The following PPP4R3A variants were observed in gnomAD, a reference collection of about 807,000 sequenced individuals.
The protein encoded by PPP4R3A is serine/threonine-protein phosphatase 4 regulatory subunit 3A.
In PPP4R3A, 15 loss-of-function variants were observed where a neutral mutation model predicts 91.7. The ratio of observed to expected loss-of-function variants is 0.16; its 90% CI spans 0.11 to 0.25. The LOEUF (loss-of-function observed/expected upper bound fraction) is 0.25. Ranked by LOEUF, PPP4R3A falls within the 10% of genes least tolerant of loss-of-function variation. The pLI is 1.00. For synonymous variants in PPP4R3A, 377 were observed against 348.7 expected (o/e 1.08, Z -0.91); for missense variants, 623 against 998.4 (o/e 0.62, Z 5.07).
intron 10 of PPP4R3A, among the ~76,000 whole-genome samples, chr14:91,469,367 C>G (rs943321540): frequency 6.6e-6 from 1 of 152,084 alleles, no homozygotes; most frequent in Non-Finnish European, 1.5e-5. Flanking sequence ...GCTCTCAAAT[C>G]CCCTTTTCCA....
intron 4 of PPP4R3A, among the ~76,000 whole-genome samples, chr14:91,478,461 AT>A (rs1197626404): frequency 2.6e-5 from 4 of 152,260 alleles, no homozygotes; most frequent in African/African-American, 9.6e-5. Context: ...TTGCCAAAAC[AT>A]TTGTAAAATG....
At chr14:91,475,057 A>T (rs1450597975) in intron 7 of PPP4R3A, 1 of 146,944 alleles carries the variant, frequency 6.8e-6, no homozygotes, top group East Asian at 2.0e-4. Flanking sequence ...TTCTAAACAG[A>T]TTTTTTTTTT....
chr14:91,501,871 A>ATTTTT (rs755484959), intron 1 of PPP4R3A, among the ~76,000 whole-genome samples: 1 of 100,238 alleles, frequency 1.0e-5, no homozygotes, highest in Non-Finnish European at 1.9e-5. Flanking sequence ...AGCCCGGCTA[A>ATTTTT]TTTTTTTTTT....
chr14:91,458,632 A>C lies in PPP4R3A; in HGVS notation c.*127T>G. The C allele has an allele frequency of 7.4e-7, 1 of 1,359,586 alleles. No homozygotes were observed. The highest frequency in any genetic ancestry group is 1.7e-5 in the Admixed American group (1 of 59,628). The allele number at this position is 1,359,586 out of a possible 1,614,324, so 84.2% of individuals were successfully genotyped here. A position where few individuals can be genotyped will look rare whatever the true frequency, so the allele number is the denominator to read the frequency against. On this transcript the variant is annotated 3_prime_UTR_variant, in exon 15 of 15. Transcript: ENST00000554943. ...ATTGGCACTTGATGAGCAGAAGTCA[A>C]GTGTAAGAGGCTGATCTGTGTCAGT...
chr14:91,481,810 A>T lies in PPP4R3A; in HGVS notation c.681T>A (p.Asp227Glu), dbSNP rs1224284352. The change falls in exon 4 of 15, where the codon GAT (aspartate) becomes GAA (glutamate). Residue 227 changes from aspartate to glutamate, a missense_variant. This residue lies in a region of PPP4R3A where 264 missense variants were observed against 377.3 expected (regional missense o/e 0.70). Coordinates refer to ENST00000554943, the MANE Select transcript of PPP4R3A (RefSeq NM_001366432.2). ...IMDVIGCLEY[D>E]PALSQPRKHR... ...GTTTTCGTGGTTGTGATAAAGCAGG[A>T]TCATATTCTAAACATCCAATGACGT... 3 of 1,614,026 alleles carry T rather than the reference A, an allele frequency of 1.9e-6. No individual in the cohort carries two copies. The highest frequency in any genetic ancestry group is 2.5e-6 in the Non-Finnish European group (3 of 1,180,042).
chr14:91,509,225 T>C (rs1257826785), intron 1 of PPP4R3A, among the ~76,000 whole-genome samples: 1 of 152,106 alleles, frequency 6.6e-6, no homozygotes, highest in Non-Finnish European at 1.5e-5. Context: ...CTATCTCAGG[T>C]CCTCGACCTC....
intron 1 of PPP4R3A, among the ~76,000 whole-genome samples, chr14:91,495,397 C>T (rs1890492811): frequency 6.6e-6 from 1 of 151,422 alleles, no homozygotes; most frequent in Non-Finnish European, 1.5e-5. Flanking sequence ...TCACTGCAGC[C>T]TCTGCCTCCT....
At chr14:91,509,105 CAA>C (rs1219103371) in intron 1 of PPP4R3A, among the ~76,000 whole-genome samples, 2 of 152,194 alleles carry the variant, frequency 1.3e-5, no homozygotes, top group Non-Finnish European at 2.9e-5. Flanking sequence ...TAGCTCCAAG[CAA>C]AGTTTCATGC....
intron 2 of PPP4R3A, among the ~76,000 whole-genome samples, chr14:91,486,927 G>A (rs1268310697): frequency 1.1e-3 from 123 of 107,106 alleles, no homozygotes; most frequent in African/African-American, 3.5e-3. Flanking sequence ...AAAAAAAATA[G>A]AGAGTCAAAA....
Position 91,509,531 on chromosome 14 carries a change from G to A in PPP4R3A, c.117C>T (p.Ser39=), listed in dbSNP as rs778995476. 1.3e-6 allele frequency: 2 copies of A among 1,597,468 alleles called. No individual in the cohort carries two copies. Among genetic ancestry groups the A allele is most frequent in the South Asian group, 2.2e-5 (2 of 89,834 alleles). Residue 39 remains serine, a synonymous_variant, in exon 1 of 15, where the codon TCC becomes TCT. Transcript: ENST00000554943. The stretch of plus-strand genomic sequence containing the variant: ...CGTCGCTCTCAGCCCTGACAAGCAG[G>A]GACATGCCCTTCAGCCGCTCCACGT... ...SGYVERLKGM[S]LLVRAESDGS...
Position 91,485,011 on chromosome 14 carries a change from GACAAGT to G in PPP4R3A, c.297+615_297+620del, listed in dbSNP as rs1303894841. Among the ~76,000 whole-genome samples, 12 of 151,914 alleles carry G rather than the reference GACAAGT, an allele frequency of 7.9e-5. 1 individual carries two copies. Among genetic ancestry groups the G allele is most frequent in the Admixed American group, 3.3e-4 (5 of 15,266 alleles). Reference sequence around the variant, plus strand: ...GTCAGTCAACAGCCATACTGCTCAAGACAAGTACAAGGGTGGGTTTTCTTTCAAAAG... The same window carrying G: ...GTCAGTCAACAGCCATACTGCTCAAGACAAGGGTGGGTTTTCTTTCAAAAG... On this transcript the variant is annotated intron_variant, in intron 3 of 14. Transcript: ENST00000554943.
chr14:91,497,173 A>G (rs1302962172), intron 1 of PPP4R3A, among the ~76,000 whole-genome samples: 1 of 152,166 alleles, frequency 6.6e-6, no homozygotes, highest in Non-Finnish European at 1.5e-5. Context: ...GAGGCAGAGA[A>G]GGTTCTAACT....
rs200599598 is a variant in PPP4R3A at position 91,458,726 on chromosome 14, T to C, written c.*33A>G. ...GGGAGGGGTGGAGAACCAGTTTTTT[T>C]CAACAGGTACTGATCCTAGGCCGTT... is the stretch of plus-strand genomic sequence containing the variant. On this transcript the variant is annotated 3_prime_UTR_variant, in exon 15 of 15. Transcript: ENST00000554943. 8.1e-6 allele frequency: 13 copies of C among 1,614,064 alleles called. No individual in the cohort carries two copies. The highest frequency in any genetic ancestry group is 2.7e-5 in the African/African-American group (2 of 75,054).
chr14:91,506,032 G>A (rs909741810), intron 1 of PPP4R3A, among the ~76,000 whole-genome samples: 36 of 151,518 alleles, frequency 2.4e-4, no homozygotes, highest in African/African-American at 7.8e-4. Context: ...TGCAAGCTCC[G>A]CCTCCTGTGT....
In PPP4R3A at chr14:91,457,728, T is replaced by A. The variant is rs1303454689; in HGVS notation, c.*1031A>T. 2.6e-5 allele frequency: 4 copies of A among 152,646 alleles called. No individual in the cohort carries two copies. Among genetic ancestry groups the A allele is most frequent in the African/African-American group, 4.8e-5 (2 of 41,464 alleles). The allele number at this position is 152,646 out of a possible 1,614,324, so 9.5% of individuals were successfully genotyped here. ...CCCCAAGAAAAGAAATTTCAGAATC[T>A]CTTTGGAATACTAATTTCATGTTTC... On this transcript the variant is annotated 3_prime_UTR_variant, in exon 15 of 15. Transcript: ENST00000554943.
chr14:91,507,482 T>TAGA (rs1482280508), intron 1 of PPP4R3A, among the ~76,000 whole-genome samples: 7 of 113,518 alleles, frequency 6.2e-5, no homozygotes, highest in African/African-American at 2.6e-4. Context: ...ATACTATAGT[T>TAGA]ATATATACTA....
Position 91,509,702 on chromosome 14 carries a change from G to A in PPP4R3A, c.-55C>T, listed in dbSNP as rs745562671. The A allele has an allele frequency of 3.8e-6, 6 of 1,562,332 alleles. No homozygotes were observed. The highest frequency in any genetic ancestry group is 2.3e-5 in the East Asian group (1 of 42,648). On this transcript the variant is annotated 5_prime_UTR_variant, in exon 1 of 15. Transcript: ENST00000554943. ...CCGCCAGTAGACGCCCAGGAAAGGG[G>A]CCCTGGAGAGGCGAGGGGCGAGGCG... is the stretch of plus-strand genomic sequence containing the variant.
At chr14:91,507,621 C>CACGGAA (rs1214235449) in intron 1 of PPP4R3A, among the ~76,000 whole-genome samples, 3 of 39,996 alleles carry the variant, frequency 7.5e-5, no homozygotes, top group African/African-American at 2.1e-4. Flanking sequence ...GTTATATATA[C>CACGGAA]TATTATATAT....
intron 1 of PPP4R3A, 105 bp downstream of exon 1, chr14:91,509,401 C>A (rs1461372167): frequency 3.4e-6 from 5 of 1,480,142 alleles, no homozygotes; most frequent in Non-Finnish European, 4.5e-6. Context: ...CCTCCCCAGC[C>A]GTCCCTCTGT....
Sources: allele counts gnomAD v4.1 joint callset (sites outside exome capture counted in the v4.1 genomes callset), GRCh38; gene constraint gnomAD v4.1.1; regional missense constraint gnomAD v4.1.1; transcripts MANE v1.5; gene names NCBI Gene and HGNC (gene_info 2026-07-23, HGNC 2026-07-21).